Variants in EGLN1 observed in about 807,000 individuals in gnomAD.
EGLN1 encodes the protein egl-9 family hypoxia inducible factor 1.
EGLN1 carries 17 observed loss-of-function variants against 38.3 expected under a neutral mutation model. The ratio of observed to expected loss-of-function variants is 0.44; its 90% CI spans 0.30 to 0.67. The LOEUF is 0.67. Among genes scored for constraint, EGLN1 ranks in the 30% least tolerant of loss-of-function variants. The pLI, the probability that EGLN1 is intolerant of heterozygous loss-of-function variation, is 0.08. For synonymous variants in EGLN1, 283 were observed against 257.5 expected (o/e 1.10, Z -0.95); for missense variants, 477 against 603.3 (o/e 0.79, Z 2.19).
chr1:231,419,887 T>TA (rs997198566), intron 1 of EGLN1, among the ~76,000 whole-genome samples: 14 of 152,142 alleles, frequency 9.2e-5, no homozygotes, highest in Admixed American at 7.2e-4. Context: ...AACCACTAGT[T>TA]AGAGTCAGCG....
chr1:231,416,357 C>T (rs898075762), intron 1 of EGLN1, among the ~76,000 whole-genome samples: 12 of 151,486 alleles, frequency 7.9e-5, no homozygotes, highest in Admixed American at 4.6e-4. Flanking sequence ...TCCTCCTCCA[C>T]GTAATTAAGG....
chr1:231,367,762 T>G, intron 3 of EGLN1, 126 bp from the exon 4 acceptor site: 1 of 800,080 alleles, frequency 1.2e-6, no homozygotes, highest in Non-Finnish European at 2.1e-6. Context: ...TATCAAAGGA[T>G]AAATTTAACA....
chr1:231,389,507 C>T (rs944238495), intron 1 of EGLN1, among the ~76,000 whole-genome samples: 4 of 152,144 alleles, frequency 2.6e-5, no homozygotes, highest in Non-Finnish European at 5.9e-5. Flanking sequence ...GGAGAAGACA[C>T]ATTCCTCATG....
chr1:231,421,038 T>G lies in EGLN1; in HGVS notation c.851A>C (p.Asn284Thr). 3.1e-6 allele frequency: 5 copies of G among 1,614,046 alleles called. No homozygotes were observed. The highest frequency in any genetic ancestry group is 4.2e-6 in the Non-Finnish European group (5 of 1,180,004). Residue 284 changes from asparagine (N) to threonine (T), a missense_variant, in exon 1 of 5, where the codon AAC becomes ACC. By Grantham distance (65) the Asn-to-Thr change is moderately conservative. Coordinates refer to ENST00000366641, the MANE Select transcript of EGLN1 (RefSeq NM_022051.3). The surrounding 1 kb of genome is among the most constrained non-coding windows in gnomAD (Gnocchi z 5.5). ...SSMDDLIRHCNGKLGSYKING... is the reference protein window; with the variant it reads ...SSMDDLIRHCTGKLGSYKING... ...GATTTTGTAGCTGCCCAGCTTCCCGTTACAGTGGCGTATCAGGTCGTCCAT... is the reference window on the plus strand; with the variant it reads ...GATTTTGTAGCTGCCCAGCTTCCCGGTACAGTGGCGTATCAGGTCGTCCAT...
chr1:231,370,098 C>T (rs1687777720), intron 3 of EGLN1, among the ~76,000 whole-genome samples: 1 of 152,148 alleles, frequency 6.6e-6, no homozygotes, highest in Non-Finnish European at 1.5e-5. Flanking sequence ...ACTTTTCTTT[C>T]TTCTGTTTTT....
At chr1:231,392,252 A>G (rs1688410505) in intron 1 of EGLN1, among the ~76,000 whole-genome samples, 1 of 152,142 alleles carries the variant, frequency 6.6e-6, no homozygotes, top group African/African-American at 2.4e-5. Context: ...GCGCCACTGC[A>G]CTCCAGCCTG....
In EGLN1 at chr1:231,391,084, TTTTTTTTTTG is replaced by T. The variant is rs1266383116; in HGVS notation, c.892-16995_892-16986del. 8.8e-4 allele frequency among the ~76,000 whole-genome samples: 21 copies of T among 23,754 alleles called. 1 individual carries two copies. Among genetic ancestry groups the T allele is most frequent in the Non-Finnish European group, 1.1e-3 (10 of 8,700 alleles). 15.6% of individuals were successfully genotyped at this position (23,754 alleles called of 152,430 possible). On this transcript the variant is annotated intron_variant, in intron 1 of 4. Coordinates refer to ENST00000366641, the MANE Select transcript of EGLN1 (RefSeq NM_022051.3). ...TGTGTGAGACAGGGAACTCATTCTG[TTTTTTTTTTG>T]TGTGTGTGTGTGTGTGTGTGTGTGT...
At chr1:231,385,741 A>T (rs1032008536) in intron 1 of EGLN1, among the ~76,000 whole-genome samples, 15 of 152,238 alleles carry the variant, frequency 9.9e-5, no homozygotes, top group Non-Finnish European at 1.8e-4. Flanking sequence ...ACTGAGTGGC[A>T]CCATTTTTGT....
At chr1:231,367,539 C>G in intron 4 of EGLN1, 30 bp downstream of exon 4, 1 of 1,607,912 alleles carries the variant, frequency 6.2e-7, no homozygotes, top group Non-Finnish European at 8.5e-7. Context: ...ATTTCTGTAC[C>G]AATATATCCT....
chr1:231,380,619 T>A (rs1239844595), intron 1 of EGLN1, among the ~76,000 whole-genome samples: 2 of 152,198 alleles, frequency 1.3e-5, no homozygotes, highest in Non-Finnish European at 2.9e-5. Flanking sequence ...ATAAGTGAAA[T>A]TATTAGGTCT....
chr1:231,412,444 T>C (rs1688977908), intron 1 of EGLN1, among the ~76,000 whole-genome samples: 1 of 152,246 alleles, frequency 6.6e-6, no homozygotes, highest in Non-Finnish European at 1.5e-5. Context: ...CCATTCAATT[T>C]TCTCTAATGT....
Position 231,421,246 on chromosome 1 carries a change from C to T in EGLN1, c.643G>A (p.Gly215Ser). ...HGICVVDDFL[G>S]KETGQQIGDE... ...CCGATCTGCTGTCCGGTCTCCTTGC[C>T]GAGGAAGTCGTCCACCACACAGATG... Residue 215 changes from glycine (G) to serine (S), a missense_variant, in exon 1 of 5, where the codon GGC (glycine) becomes AGC (serine). Physicochemically the swap from Gly to Ser is moderately conservative, Grantham distance 56. Transcript: ENST00000366641. The surrounding 1 kb of genome is among the most constrained non-coding windows in gnomAD (Gnocchi z 5.5). The T allele has an allele frequency of 6.2e-7, 1 of 1,613,906 alleles. No individual in the cohort carries two copies.
Position 231,367,606 on chromosome 1 carries a change from T to C in EGLN1, c.1179A>G (p.Ala393=), listed in dbSNP as rs1449135309. 6.2e-7 allele frequency: 1 copy of C among 1,614,090 alleles called. No homozygotes were observed. The highest frequency in any genetic ancestry group is 1.3e-5 in the African/African-American group (1 of 75,066). ...TTACTTTAGCTCGTGCTCTCTCATC[T>C]GCATCAAAATACCAAACAGTTATTG... is the stretch of plus-strand genomic sequence containing the variant. The part of the protein sequence containing the change: ...RYAITVWYFD[A]DERARAKVKY... The change falls in exon 4 of 5, where the codon GCA becomes GCG. Residue 393 remains alanine (A), a synonymous_variant. Transcript: ENST00000366641.
chr1:231,381,848 A>G (rs1232586786), intron 1 of EGLN1, among the ~76,000 whole-genome samples: 1 of 152,208 alleles, frequency 6.6e-6, no homozygotes, highest in Non-Finnish European at 1.5e-5. Context: ...CTCTGTATTT[A>G]TATCACACAC....
chr1:231,403,874 T>C (rs1254502191), intron 1 of EGLN1, among the ~76,000 whole-genome samples: 3 of 151,736 alleles, frequency 2.0e-5, no homozygotes, highest in Admixed American at 2.0e-4. Flanking sequence ...TGTTATTAAA[T>C]TATTCAAAGT....
chr1:231,381,122 G>A (rs1450379902), intron 1 of EGLN1, among the ~76,000 whole-genome samples: 2 of 152,042 alleles, frequency 1.3e-5, no homozygotes, highest in African/African-American at 4.8e-5. Flanking sequence ...GTTCAGGCTG[G>A]TCTTGAACTT....
chr1:231,407,392 G>A (rs141506074), intron 1 of EGLN1, among the ~76,000 whole-genome samples: 122 of 152,196 alleles, frequency 8.0e-4, no homozygotes, highest in African/African-American at 2.7e-3. Flanking sequence ...TTGACATTTT[G>A]AGTAAATTAC....
At chr1:231,400,823 G>C (rs897356881) in intron 1 of EGLN1, among the ~76,000 whole-genome samples, 1 of 152,188 alleles carries the variant, frequency 6.6e-6, no homozygotes, top group African/African-American at 2.4e-5. Context: ...GCTGAGGCGG[G>C]TAGATTGCTT....
rs538566469 is a variant in EGLN1 at position 231,364,372 on chromosome 1, T to C, written c.*2039A>G. On this transcript the variant is annotated 3_prime_UTR_variant, in exon 5 of 5. Transcript: ENST00000366641. ...TGAGTTGTGGCCTAACGCCGCGCAC[T>C]GTACTATAGACCAGATGGCAAAGAC... 3 of 152,350 alleles carry C rather than the reference T, an allele frequency of 2.0e-5. No homozygotes were observed. Among genetic ancestry groups the C allele is most frequent in the Non-Finnish European group, 4.4e-5 (3 of 68,048 alleles). 9.4% of individuals were successfully genotyped at this position (152,350 alleles called of 1,614,324 possible). A position where few individuals can be genotyped will look rare whatever the true frequency, so the allele number is the denominator to read the frequency against.
Sources: gnomAD v4.1 joint callset for allele counts (sites outside exome capture counted in the v4.1 genomes callset) on GRCh38, gnomAD v4.1.1 for gene constraint, Gnocchi (gnomAD v3.1) non-coding constraint, MANE v1.5 for transcripts, NCBI Gene and HGNC (gene_info 2026-07-23, HGNC 2026-07-21) for gene names.